The following AGMO variants were observed in gnomAD, a reference collection of about 807,000 sequenced individuals.
AGMO encodes the protein alkylglycerol monooxygenase.
In AGMO, 75 loss-of-function variants were observed where a neutral mutation model predicts 60.2. That is an observed-to-expected ratio of 1.25 (90% confidence interval 1.03 to 1.51). AGMO has a LOEUF of 1.51. Ranked by LOEUF, AGMO falls within the 40% of genes most tolerant of loss-of-function variation. AGMO has a pLI of 0.00. For synonymous variants in AGMO, 261 were observed against 177.1 expected (o/e 1.47, Z -3.76); for missense variants, 763 against 525.5 (o/e 1.45, Z -4.42).
At chr7:15,331,015 T>G (rs1781483513) in intron 12 of AGMO, among the ~76,000 whole-genome samples, 1 of 152,168 alleles carries the variant, frequency 6.6e-6, no homozygotes, top group African/African-American at 2.4e-5. Context: ...TTTTCCCCCT[T>G]GGCCTCTTGG....
At chr7:15,156,793 T>G in the AGMO span, among the ~76,000 whole-genome samples, 111,014 of 151,920 alleles carry the variant, frequency 0.73, 41,018 homozygotes, top group East Asian at 0.98. Flanking sequence ...AGTGCACCAA[T>G]CTATTTCATG....
At chr7:15,236,732 G>C (rs1282023441) in intron 12 of AGMO, among the ~76,000 whole-genome samples, 2 of 151,942 alleles carry the variant, frequency 1.3e-5, no homozygotes, top group Non-Finnish European at 2.9e-5. Flanking sequence ...CTATCTACTG[G>C]AAGTTGCCTA....
At chr7:15,480,264 T>C (rs111241480) in intron 3 of AGMO, among the ~76,000 whole-genome samples, 2,558 of 152,250 alleles carry the variant, frequency 0.017, 64 homozygotes, top group African/African-American at 0.059. Flanking sequence ...GAAGAAACTT[T>C]GGGTTTATCA....
the AGMO span, among the ~76,000 whole-genome samples, chr7:15,162,875 T>C: frequency 3.3e-4 from 50 of 152,154 alleles, 1 homozygote; most frequent in Admixed American, 3.1e-3. Flanking sequence ...TTGTAAAAGA[T>C]AGAATTTTAT....
rs775057626 is a variant in AGMO, at chr7:15,342,172, T to TAAAAAAAAAAAAAAAAAAAAAAAAAA, written c.1263+23341_1263+23342insTTTTTTTTTTTTTTTTTTTTTTTTTT. Reference sequence around the variant, plus strand: ...AGCTGAGAGTAGATACCCACAGAGTTAAAAAAAAAAAAAAAAAAAAAAAAG... The same window carrying TAAAAAAAAAAAAAAAAAAAAAAAAAA: ...AGCTGAGAGTAGATACCCACAGAGTTAAAAAAAAAAAAAAAAAAAAAAAAAAAAAAAAAAAAAAAAAAAAAAAAAAG... On this transcript the variant is annotated intron_variant, in intron 12 of 12. Transcript: ENST00000342526. 1.8e-4 allele frequency among the ~76,000 whole-genome samples: 10 copies of TAAAAAAAAAAAAAAAAAAAAAAAAAA among 54,300 alleles called. 1 individual carries two copies. Among genetic ancestry groups the TAAAAAAAAAAAAAAAAAAAAAAAAAA allele is most frequent in the African/African-American group, 4.7e-4 (5 of 10,742 alleles). 35.6% of individuals were successfully genotyped at this position (54,300 alleles called of 152,430 possible). A position where few individuals can be genotyped will look rare whatever the true frequency, so the allele number is the denominator to read the frequency against.
intron 12 of AGMO, among the ~76,000 whole-genome samples, chr7:15,338,767 TC>T (rs946951879): frequency 3.9e-5 from 6 of 152,206 alleles, no homozygotes; most frequent in Non-Finnish European, 8.8e-5. Flanking sequence ...TGGCCACTTT[TC>T]TTCCTCTGGA....
At chr7:15,392,024 G>C (rs1583498239) in intron 6 of AGMO, among the ~76,000 whole-genome samples, 1 of 151,962 alleles carries the variant, frequency 6.6e-6, no homozygotes, top group East Asian at 1.9e-4. Context: ...TGTTTCATTT[G>C]GTAATGTGGA....
rs768509275 is a variant in AGMO, at chr7:15,431,071, A to G, written c.447T>C (p.His149=). The change falls in exon 4 of 13, where the codon CAT becomes CAC. Residue 149 remains histidine (H), a synonymous_variant. Transcript: ENST00000342526. The part of the protein sequence containing the change: ...NIMWAGHQTH[H]SSEDYNLSTA... ...TGGATAAGTTATAGTCTTCAGAACTATGATGTGTTTGGTGTCCGGCCCACA... is the reference window on the plus strand; with the variant it reads ...TGGATAAGTTATAGTCTTCAGAACTGTGATGTGTTTGGTGTCCGGCCCACA... The G allele has an allele frequency of 1.2e-6, 2 of 1,611,652 alleles. No homozygotes were observed. Among genetic ancestry groups the G allele is most frequent in the South Asian group, 1.1e-5 (1 of 90,910 alleles).
chr7:15,534,469 G>T (rs1435613407), intron 3 of AGMO, among the ~76,000 whole-genome samples: 1 of 151,906 alleles, frequency 6.6e-6, no homozygotes, highest in African/African-American at 2.4e-5. Context: ...ATATAATTTT[G>T]TTTATTACAG....
intron 12 of AGMO, among the ~76,000 whole-genome samples, chr7:15,347,594 G>C (rs2128552433): frequency 7.1e-6 from 1 of 141,408 alleles, no homozygotes; most frequent in East Asian, 2.1e-4. Context: ...AACATCCTCA[G>C]TCCGAACTCA....
chr7:15,387,151 A>G (rs1435948077), intron 9 of AGMO, among the ~76,000 whole-genome samples: 2 of 152,212 alleles, frequency 1.3e-5, no homozygotes, highest in Non-Finnish European at 2.9e-5. Context: ...GTCGATATGA[A>G]AACCAGCCTC....
intron 12 of AGMO, among the ~76,000 whole-genome samples, chr7:15,204,346 AG>A (rs1170328870): frequency 8.5e-5 from 13 of 152,210 alleles, no homozygotes; most frequent in Admixed American, 3.3e-4. Context: ...TTAGTTGATT[AG>A]ATTAAATATG....
intron 3 of AGMO, among the ~76,000 whole-genome samples, chr7:15,475,569 G>A (rs1216399646): frequency 6.6e-6 from 1 of 151,968 alleles, no homozygotes; most frequent in Non-Finnish European, 1.5e-5. Context: ...GATAGCATTA[G>A]GAGAAATACC....
intron 11 of AGMO, among the ~76,000 whole-genome samples, 157 bp downstream of exon 11, chr7:15,365,983 T>A (rs998458843): frequency 6.6e-6 from 1 of 152,110 alleles, no homozygotes; most frequent in Non-Finnish European, 1.5e-5. Context: ...AGAACTGATA[T>A]AGTTAACTTC....
chr7:15,528,084 T>G (rs1258169009), intron 3 of AGMO, among the ~76,000 whole-genome samples: 2 of 152,140 alleles, frequency 1.3e-5, no homozygotes, highest in African/African-American at 4.8e-5. Context: ...AATTTCAACT[T>G]TCCAGCCTTA....
chr7:15,153,509 G>A, the AGMO span, among the ~76,000 whole-genome samples: 1 of 152,088 alleles, frequency 6.6e-6, no homozygotes, highest in Non-Finnish European at 1.5e-5. Flanking sequence ...ATTTTGAGTT[G>A]ATTTTTGTAT....
At chr7:15,408,640 G>A (rs539399653) in intron 5 of AGMO, among the ~76,000 whole-genome samples, 104 of 151,938 alleles carry the variant, frequency 6.8e-4, no homozygotes, top group African/African-American at 2.4e-3. Flanking sequence ...AGCTGTAAGA[G>A]ATGTAAAATC....
intron 12 of AGMO, among the ~76,000 whole-genome samples, chr7:15,353,031 AAGG>A (rs1782314656): frequency 1.3e-5 from 2 of 152,132 alleles, no homozygotes; most frequent in Non-Finnish European, 2.9e-5. Flanking sequence ...ACTCAGACGA[AAGG>A]AGGTGAAACG....
At chr7:15,465,219 C>T (rs1472329698) in intron 3 of AGMO, among the ~76,000 whole-genome samples, 1 of 151,884 alleles carries the variant, frequency 6.6e-6, no homozygotes, top group Non-Finnish European at 1.5e-5. Flanking sequence ...AATGTGGGCT[C>T]GCCAGGACCA....
Sources: allele counts gnomAD v4.1 joint callset (sites outside exome capture counted in the v4.1 genomes callset), GRCh38; gene constraint gnomAD v4.1.1; transcripts MANE v1.5; gene names NCBI Gene and HGNC (gene_info 2026-07-23, HGNC 2026-07-21).